The following GARIN1B variants were observed in gnomAD, a reference collection of about 807,000 sequenced individuals.
GARIN1B encodes the protein golgi associated RAB2 interactor 1B, also known as Golgi-associated RAB2 interactor protein 1B.
chr7:128,721,947 T>C, the GARIN1B span, among the ~76,000 whole-genome samples: 1 of 152,234 alleles, frequency 6.6e-6, no homozygotes, highest in Admixed American at 6.5e-5. Context: ...GTTCCTGCGA[T>C]AAAATCTGCC....
the GARIN1B span, chr7:128,715,637 C>A: frequency 6.2e-7 from 1 of 1,614,124 alleles, no homozygotes; most frequent in Non-Finnish European, 8.5e-7. Flanking sequence ...GGTTCATTCT[C>A]CAGAATTCAA....
the GARIN1B span, among the ~76,000 whole-genome samples, chr7:128,712,933 G>A: frequency 2.0e-5 from 3 of 152,130 alleles, no homozygotes; most frequent in African/African-American, 7.2e-5. Context: ...GTCTTACCTA[G>A]CTGCAAGGGA....
chr7:128,716,185 G>A, the GARIN1B span, among the ~76,000 whole-genome samples: 3 of 152,150 alleles, frequency 2.0e-5, no homozygotes, highest in Non-Finnish European at 2.9e-5. Context: ...CTGACCTGAG[G>A]ATGAAATGCA....
At chr7:128,730,278 C>T in the GARIN1B span, among the ~76,000 whole-genome samples, 1 of 152,178 alleles carries the variant, frequency 6.6e-6, no homozygotes. Flanking sequence ...CCAGAGTTCC[C>T]CCAGATGCTG....
At chr7:128,714,256 C>T in the GARIN1B span, 5 of 997,878 alleles carry the variant, frequency 5.0e-6, no homozygotes, top group South Asian at 4.1e-5. Context: ...TACATTTGAC[C>T]TTGATGGTTA....
the GARIN1B span, among the ~76,000 whole-genome samples, chr7:128,730,569 T>C: frequency 3.0e-4 from 46 of 152,312 alleles, 1 homozygote; most frequent in African/African-American, 1.1e-3. Flanking sequence ...CCTATGTGCC[T>C]CTGTTTGACC....
chr7:128,720,483 A>C, the GARIN1B span, among the ~76,000 whole-genome samples: 1 of 152,210 alleles, frequency 6.6e-6, no homozygotes, highest in African/African-American at 2.4e-5. Context: ...TACAGGCATG[A>C]AACTTTTTCT....
At chr7:128,715,697 T>C in the GARIN1B span, 1 of 1,610,634 alleles carries the variant, frequency 6.2e-7, no homozygotes, top group Non-Finnish European at 8.5e-7. Flanking sequence ...CCAGGTATTC[T>C]TGGGTGGCGC....
the GARIN1B span, among the ~76,000 whole-genome samples, chr7:128,712,153 G>A: frequency 6.6e-6 from 1 of 152,222 alleles, no homozygotes; most frequent in African/African-American, 2.4e-5. Context: ...AGATTTAAAT[G>A]GGACAGACTT....
the GARIN1B span, chr7:128,731,362 C>T: frequency 1.2e-4 from 68 of 557,662 alleles, no homozygotes; most frequent in African/African-American, 4.1e-4. Flanking sequence ...TCAGAATGGC[C>T]GGGCCCAAGA....
At chr7:128,709,750 C>CTTTTTTTTTTTTTTTTTTTTTT in the GARIN1B span, among the ~76,000 whole-genome samples, 2 of 114,618 alleles carry the variant, frequency 1.7e-5, 1 homozygote, top group African/African-American at 6.9e-5. Flanking sequence ...CTCTCTCTCT[C>CTTTTTTTTTTTTTTTTTTTTTT]TTTTTTTTTT....
At chr7:128,726,874 A>G in the GARIN1B span, 1 of 1,613,818 alleles carries the variant, frequency 6.2e-7, no homozygotes, top group Admixed American at 1.7e-5. Context: ...CAGCTCAGGT[A>G]AGGGAGGGCA....
At chr7:128,722,355 C>T in the GARIN1B span, among the ~76,000 whole-genome samples, 2 of 152,138 alleles carry the variant, frequency 1.3e-5, no homozygotes, top group South Asian at 2.1e-4. Flanking sequence ...TCCTAGTTGG[C>T]ATTCAATAAA....
the GARIN1B span, among the ~76,000 whole-genome samples, chr7:128,711,067 G>A: frequency 9.4e-4 from 143 of 152,202 alleles, no homozygotes; most frequent in African/African-American, 3.4e-3. Context: ...TTCCTTGAGA[G>A]TGCAGAGAAG....
At chr7:128,728,748 T>C in the GARIN1B span, among the ~76,000 whole-genome samples, 53 of 152,326 alleles carry the variant, frequency 3.5e-4, no homozygotes, top group African/African-American at 1.2e-3. Flanking sequence ...TGGCTAACAC[T>C]TAGTGGGCAA....
chr7:128,711,176 A>C, the GARIN1B span, among the ~76,000 whole-genome samples: 1 of 152,288 alleles, frequency 6.6e-6, no homozygotes, highest in South Asian at 2.1e-4. Flanking sequence ...GGGAGAGAAG[A>C]GTAGCATCTT....
chr7:128,720,763 T>A, the GARIN1B span, among the ~76,000 whole-genome samples: 3 of 152,220 alleles, frequency 2.0e-5, no homozygotes, highest in Non-Finnish European at 4.4e-5. Context: ...TCATCAAAAA[T>A]CAATTTACTA....
At chr7:128,726,616 AC>A in the GARIN1B span, among the ~76,000 whole-genome samples, 1 of 73,176 alleles carries the variant, frequency 1.4e-5, no homozygotes, top group East Asian at 4.0e-4. Context: ...CCCACCTCCC[AC>A]CCCATTCCAC....
the GARIN1B span, among the ~76,000 whole-genome samples, chr7:128,711,380 A>G: frequency 6.6e-6 from 1 of 152,162 alleles, no homozygotes; most frequent in Admixed American, 6.6e-5. Context: ...GTGTGGGACA[A>G]CTCACTCAAC....
Sources: allele counts gnomAD v4.1 joint callset (sites outside exome capture counted in the v4.1 genomes callset), GRCh38; gene constraint gnomAD v4.1.1; transcripts MANE v1.5; gene names NCBI Gene and HGNC (gene_info 2026-07-23, HGNC 2026-07-21).